The following CNTN5 variants were observed in gnomAD, a reference collection of about 807,000 sequenced individuals.
The protein encoded by CNTN5 is contactin 5, also known as contactin-5.
CNTN5 carries 77 observed loss-of-function variants against 129.1 expected under a neutral mutation model. The ratio of observed to expected loss-of-function variants is 0.60; its 90% CI spans 0.50 to 0.72. CNTN5 has a LOEUF of 0.72. Among genes scored for constraint, CNTN5 ranks in the 30% least tolerant of loss-of-function variants. CNTN5 has a pLI of 0.00. For missense variants in CNTN5, 1,478 were observed against 1,328.8 expected, an observed-to-expected ratio of 1.11 and a Z score of -1.75; for synonymous variants, 509 against 465.6, an observed-to-expected ratio of 1.09 and a Z score of -1.20.
At chr11:100,340,765 T>C (rs1183149181) in intron 22 of CNTN5, 116 bp downstream of exon 22, 4 of 941,476 alleles carry the variant, frequency 4.2e-6, no homozygotes, top group Admixed American at 3.0e-5. Context: ...TGATTCATAG[T>C]CTTGCTTCAG....
At chr11:99,289,029 T>A (rs1864059398) in intron 1 of CNTN5, among the ~76,000 whole-genome samples, 1 of 151,860 alleles carries the variant, frequency 6.6e-6, no homozygotes, top group African/African-American at 2.4e-5. Flanking sequence ...CCAGTTCCAC[T>A]GTTTACTACA....
chr11:99,520,329 A>G (rs1196296632), intron 2 of CNTN5, among the ~76,000 whole-genome samples: 2 of 152,062 alleles, frequency 1.3e-5, no homozygotes, highest in East Asian at 3.9e-4. Context: ...CTTTTAATGA[A>G]CTATTATTTC....
chr11:99,764,211 T>C (rs1944678895), intron 3 of CNTN5, among the ~76,000 whole-genome samples: 1 of 152,022 alleles, frequency 6.6e-6, no homozygotes, highest in African/African-American at 2.4e-5. Context: ...TTAAAAACTT[T>C]GATATATCTA....
intron 3 of CNTN5, among the ~76,000 whole-genome samples, chr11:99,810,574 T>C (rs1946399499): frequency 6.6e-6 from 1 of 152,162 alleles, no homozygotes; most frequent in Non-Finnish European, 1.5e-5. Context: ...ACATCTGATT[T>C]GGGCTATTTC....
intron 1 of CNTN5, among the ~76,000 whole-genome samples, chr11:99,323,489 A>G (rs1865655114): frequency 6.6e-6 from 1 of 152,114 alleles, no homozygotes; most frequent in African/African-American, 2.4e-5. Flanking sequence ...TGTGAAAATA[A>G]TTAGTGATAC....
At position 99,364,034 on chromosome 11, in the gene CNTN5, A is replaced by G. The variant is rs138111823; in HGVS notation, c.-71+38550A>G. ...ATTTTACTCACTGAAAAGAATCAAG[A>G]TTTTTTGTGTTTTAAAATAACAAAT... On this transcript the variant is annotated intron_variant, in intron 2 of 24. Coordinates refer to ENST00000524871, the MANE Select transcript of CNTN5 (RefSeq NM_014361.4). Among the ~76,000 whole-genome samples, 11 of 152,252 alleles carry G rather than the reference A, an allele frequency of 7.2e-5. No individual in the cohort carries two copies. In the East Asian group the frequency reaches 1.7e-3, roughly 24 times the overall value.
chr11:99,312,063 T>A (rs1198249655), intron 1 of CNTN5, among the ~76,000 whole-genome samples: 1 of 152,176 alleles, frequency 6.6e-6, no homozygotes, highest in Non-Finnish European at 1.5e-5. Flanking sequence ...CATTCTTTGA[T>A]TGTGACTGGG....
At chr11:99,052,167 A>G (rs1281825758) in intron 1 of CNTN5, among the ~76,000 whole-genome samples, 3 of 151,862 alleles carry the variant, frequency 2.0e-5, no homozygotes, top group Admixed American at 6.6e-5. Flanking sequence ...TGCATGTTAC[A>G]TATTAATGGT....
chr11:100,186,619 A>G (rs1948308713), intron 13 of CNTN5, among the ~76,000 whole-genome samples: 1 of 152,146 alleles, frequency 6.6e-6, no homozygotes, highest in African/African-American at 2.4e-5. Flanking sequence ...AGACCAGGAC[A>G]TAAGTGTGAC....
intron 12 of CNTN5, 118 bp downstream of exon 12, chr11:100,071,952 A>G: frequency 1.1e-6 from 1 of 919,200 alleles, no homozygotes; most frequent in Non-Finnish European, 1.6e-6. Flanking sequence ...ATGGCTTGAA[A>G]AGAAATACTA....
chr11:99,990,587 G>C (rs566680861), intron 8 of CNTN5, among the ~76,000 whole-genome samples: 1 of 151,416 alleles, frequency 6.6e-6, no homozygotes, highest in Non-Finnish European at 1.5e-5. Context: ...TTTATTTGTT[G>C]GTAACATAAG....
intron 13 of CNTN5, among the ~76,000 whole-genome samples, chr11:100,111,633 C>G (rs1004060461): frequency 6.6e-6 from 1 of 152,044 alleles, no homozygotes; most frequent in Non-Finnish European, 1.5e-5. Flanking sequence ...ATTTTTTATT[C>G]TTACTGTGAT....
At chr11:99,832,762 A>G (rs1947183891) in intron 4 of CNTN5, among the ~76,000 whole-genome samples, 2 of 152,188 alleles carry the variant, frequency 1.3e-5, no homozygotes, top group Admixed American at 6.6e-5. Context: ...ACTAATGATC[A>G]TTAAAATGGC....
intron 13 of CNTN5, among the ~76,000 whole-genome samples, chr11:100,168,308 GC>G (rs1947709717): frequency 1.3e-5 from 2 of 151,962 alleles, no homozygotes; most frequent in South Asian, 4.1e-4. Context: ...GGAAGAGGAT[GC>G]CGTCTACGAC....
chr11:99,895,669 G>C (rs1423055714), intron 6 of CNTN5, among the ~76,000 whole-genome samples: 1 of 152,104 alleles, frequency 6.6e-6, no homozygotes, highest in Non-Finnish European at 1.5e-5. Flanking sequence ...GAGTGAGTAA[G>C]AGTCTCCCCT....
At chr11:99,240,527 A>G (rs530625093) in intron 1 of CNTN5, among the ~76,000 whole-genome samples, 2 of 152,266 alleles carry the variant, frequency 1.3e-5, no homozygotes, top group Admixed American at 1.3e-4. Context: ...CACAGAGGGA[A>G]CTGAAACAAG....
chr11:100,287,290 C>T (rs1179252895), intron 18 of CNTN5, among the ~76,000 whole-genome samples: 2 of 151,712 alleles, frequency 1.3e-5, no homozygotes. Context: ...AGAGCAACTC[C>T]AAGACACATA....
intron 2 of CNTN5, among the ~76,000 whole-genome samples, chr11:99,403,636 G>C (rs1397487668): frequency 6.6e-6 from 1 of 152,030 alleles, no homozygotes; most frequent in Non-Finnish European, 1.5e-5. Flanking sequence ...GGAGCATATT[G>C]TTTAATTTCC....
rs185728949 is a variant in CNTN5 at position 100,250,923 on chromosome 11, C to T, written c.2006-4837C>T. ...TCTCCCACTGAGCCTTGCACATAGGCGGTTGTTAAATGCTCTTTGAAGAGA... is the reference window on the plus strand; with the variant it reads ...TCTCCCACTGAGCCTTGCACATAGGTGGTTGTTAAATGCTCTTTGAAGAGA... On this transcript the variant is annotated intron_variant, in intron 16 of 24. Coordinates refer to ENST00000524871, the MANE Select transcript of CNTN5 (RefSeq NM_014361.4). 3.8e-3 allele frequency among the ~76,000 whole-genome samples: 585 copies of T among 152,098 alleles called. 3 individuals are homozygous for T. Among genetic ancestry groups the T allele is most frequent in the Non-Finnish European group, 4.3e-3 (289 of 67,974 alleles).
Sources: gnomAD v4.1 joint callset for allele counts (sites outside exome capture counted in the v4.1 genomes callset) on GRCh38, gnomAD v4.1.1 for gene constraint, MANE v1.5 for transcripts, NCBI Gene and HGNC (gene_info 2026-07-23, HGNC 2026-07-21) for gene names.